The following MBD3 variants were observed in gnomAD, a reference collection of about 807,000 sequenced individuals.
MBD3 encodes methyl-CpG-binding domain protein 3.
MBD3 carries 13 observed loss-of-function variants against 31.2 expected under a neutral mutation model. The ratio of observed to expected loss-of-function variants is 0.42; its 90% CI spans 0.27 to 0.66. The LOEUF (loss-of-function observed/expected upper bound fraction) is 0.66. Ranked by LOEUF, MBD3 falls within the 30% of genes least tolerant of loss-of-function variation. The probability of loss-of-function intolerance (pLI) is 0.26; values close to 1 mark genes in which losing one functional copy is unlikely to be tolerated. For missense variants in MBD3, 440 were observed against 426.5 expected (o/e 1.03, Z -0.28); for synonymous variants, 223 against 187.4 (o/e 1.19, Z -1.55).
intron 5 of MBD3, 102 bp downstream of exon 5, chr19:1,580,990 A>G (rs1448937606): frequency 5.7e-6 from 8 of 1,412,900 alleles, no homozygotes; most frequent in Non-Finnish European, 7.9e-6. Context: ...CCCCAGCAGC[A>G]TCGTGGGGAG....
rs375145153 is a variant in MBD3, at chr19:1,575,411, T to TA, written c.*2752dup. The TA allele has an allele frequency of 0.07, 18,516 of 263,416 alleles. 57 individuals are homozygous for TA. Among genetic ancestry groups the TA allele is most frequent in the South Asian group, 0.11 (3,606 of 32,992 alleles). 16.3% of individuals were successfully genotyped at this position (263,416 alleles called of 1,614,324 possible). On this transcript the variant is annotated 3_prime_UTR_variant, in exon 7 of 7. Coordinates refer to ENST00000434436, the MANE Select transcript of MBD3 (RefSeq NM_001281453.2). ...GCGAAAGAAGAGCGAAACTCTTGTCTAAAAAAAAAAAAAGTCCCAGAAGGT... is the reference window on the plus strand; with the variant it reads ...GCGAAAGAAGAGCGAAACTCTTGTCTAAAAAAAAAAAAAAGTCCCAGAAGGT...
intron 4 of MBD3, chr19:1,581,681 G>A (rs918292662): frequency 6.1e-6 from 2 of 328,020 alleles, no homozygotes; most frequent in Non-Finnish European, 1.2e-5. Flanking sequence ...GGAGGTAGAG[G>A]CTGCTGTGAG....
In MBD3 at chr19:1,585,092, C is replaced by T; in HGVS notation, c.233G>A (p.Arg78His). 6.2e-7 allele frequency: 1 copy of T among 1,612,522 alleles called. No homozygotes were observed. The highest frequency in any genetic ancestry group is 8.5e-7 in the Non-Finnish European group (1 of 1,179,452). Residue 78 changes from arginine (R) to histidine (H), a missense_variant, in exon 2 of 7, where the codon CGC (arginine) becomes CAC (histidine). By Grantham distance (29) the Arg-to-His change is conservative (BLOSUM62 0). This residue lies in a region of MBD3 where 179 missense variants were observed against 134.7 expected (regional missense o/e 1.33). Transcript: ENST00000434436. This position sits in a 1 kb window ranked among gnomAD's most constrained non-coding sequence, Gnocchi z 4.1. ...KMLMSKMNKS[R>H]QRVRYDSSNQ... The stretch of plus-strand genomic sequence containing the variant: ...GGAGGAGTCGTAGCGCACGCGCTGG[C>T]GGCTCTTGTTCATCTTGCTCATCAG...
At chr19:1,584,948 C>G in intron 2 of MBD3, 107 bp downstream of exon 2, 1 of 1,476,980 alleles carries the variant, frequency 6.8e-7, no homozygotes, top group Non-Finnish European at 9.2e-7. Flanking sequence ...CCGCTGTGAC[C>G]TCCTGCGCTC....
At chr19:1,583,387 C>CAAAAGAAAA (rs2060662229) in intron 3 of MBD3, 1 of 66,456 alleles carries the variant, frequency 1.5e-5, no homozygotes, top group African/African-American at 5.7e-5. Flanking sequence ...GACTCTGTCA[C>CAAAAGAAAA]AAAAAAAAAA....
intron 1 of MBD3, among the ~76,000 whole-genome samples, chr19:1,586,706 G>A (rs1047657935): frequency 1.3e-4 from 18 of 138,022 alleles, no homozygotes; most frequent in African/African-American, 4.2e-4. Context: ...TCACTCTGTC[G>A]CCCAGGCTGG....
chr19:1,584,937 C>A, intron 2 of MBD3, 118 bp downstream of exon 2: 1 of 1,411,786 alleles, frequency 7.1e-7, no homozygotes, highest in South Asian at 1.2e-5. Flanking sequence ...GTGCCCTCCG[C>A]CCGCTGTGAC....
chr19:1,592,454 C>A (rs1219561798), intron 1 of MBD3, 68 bp downstream of exon 1: 6 of 793,708 alleles, frequency 7.6e-6, no homozygotes, highest in Admixed American at 3.4e-5. Flanking sequence ...GGCAGGGGCG[C>A]CGAGGCCGCC....
intron 1 of MBD3, chr19:1,586,275 C>T (rs4807122): frequency 0.54 from 82,397 of 152,134 alleles, 24,704 homozygotes; most frequent in East Asian, 0.83. Flanking sequence ...CCCATCCACA[C>T]GATGGGACAT....
In MBD3 at chr19:1,582,707, G is replaced by T; in HGVS notation, c.414C>A (p.Phe138Leu). Reference protein sequence around the residue: ...QKAVDQPRQLFWEKKLSGLNA... With the variant: ...QKAVDQPRQLLWEKKLSGLNA... ...TCAGGCCGCTCAGCTTCTTCTCCCA[G>T]AAGAGCTGCCCCAGACACATATGTG... The change falls in exon 4 of 7, where the codon TTC becomes TTA. Residue 138 changes from phenylalanine (F) to leucine (L), a missense_variant. Phe to Leu is a conservative substitution (Grantham distance 22, BLOSUM62 0). Around this residue, in one of 3 missense-constraint regions of MBD3, gnomAD observed 144 missense variants for 196.9 expected, o/e 0.73. Transcript: ENST00000434436. The T allele has an allele frequency of 3.1e-6, 5 of 1,613,372 alleles. No individual in the cohort carries two copies. Among genetic ancestry groups the T allele is most frequent in the Non-Finnish European group, 4.2e-6 (5 of 1,179,706 alleles).
At position 1,581,257 on chromosome 19, in the gene MBD3, C is replaced by T. The variant is rs1431248256; in HGVS notation, c.512G>A (p.Gly171Asp). The T allele has an allele frequency of 6.2e-7, 1 of 1,608,562 alleles. No homozygotes were observed. ...CGACAGCAGCGTCTCATCCGTGCAG[C>T]CAGGTCCCACCCCTGCCAGGCAGTG... Reference protein sequence around the residue: ...LPKGLQGVGPGCTDETLLSAI... With the variant: ...LPKGLQGVGPDCTDETLLSAI... Residue 171 changes from glycine (G) to aspartate (D), a missense_variant, in exon 5 of 7, where the codon GGC becomes GAC. Coordinates refer to ENST00000434436, the MANE Select transcript of MBD3 (RefSeq NM_001281453.2).
At chr19:1,582,359 A>T (rs571313089) in intron 4 of MBD3, among the ~76,000 whole-genome samples, 1 of 152,304 alleles carries the variant, frequency 6.6e-6, no homozygotes, top group East Asian at 1.9e-4. Flanking sequence ...AGGTGAAAAC[A>T]GCCCCAGGCC....
Position 1,585,565 on chromosome 19 carries a change from C to G in MBD3, c.111-351G>C. 1 of 325,018 alleles carries G rather than the reference C, an allele frequency of 3.1e-6. No individual in the cohort carries two copies. Among genetic ancestry groups the G allele is most frequent in the Non-Finnish European group, 5.9e-6 (1 of 170,194 alleles). The allele number at this position is 325,018 out of a possible 1,614,324, so 20.1% of individuals were successfully genotyped here. A position where few individuals can be genotyped will look rare whatever the true frequency, so the allele number is the denominator to read the frequency against. The stretch of plus-strand genomic sequence containing the variant: ...CCCCAACCCCGGTCCCCTCTGAATC[C>G]TCCCCACCGTAGGCCCTGGCAGCGT... On this transcript the variant is annotated intron_variant, in intron 1 of 6. Transcript: ENST00000434436. The surrounding 1 kb of genome is among the most constrained non-coding windows in gnomAD (Gnocchi z 4.1).
At chr19:1,592,491 G>A (rs756769330) in intron 1 of MBD3, 31 bp downstream of exon 1, 12 of 1,258,962 alleles carry the variant, frequency 9.5e-6, no homozygotes, top group Non-Finnish European at 1.2e-5. Context: ...GGAGCCCGTT[G>A]AGGCCCTGCG....
At position 1,592,580 on chromosome 19, in the gene MBD3, C is replaced by G; in HGVS notation, c.52G>C (p.Glu18Gln). ...CPALPQGWER[E>Q]EVPRRSGLSA... ...AGCCCCGACCTTCTGGGCACTTCTTCCCTCTCCCAGCCCTGCGGGAGCGCC... is the reference window on the plus strand; with the variant it reads ...AGCCCCGACCTTCTGGGCACTTCTTGCCTCTCCCAGCCCTGCGGGAGCGCC... The change falls in exon 1 of 7, where the codon GAA (glutamate) becomes CAA (glutamine). Residue 18 changes from glutamate to glutamine, a missense_variant. This residue lies in a region of MBD3 where 179 missense variants were observed against 134.7 expected (regional missense o/e 1.33). Transcript: ENST00000434436. The G allele has an allele frequency of 1.4e-6, 2 of 1,442,514 alleles. No homozygotes were observed. Among genetic ancestry groups the G allele is most frequent in the South Asian group, 2.4e-5 (2 of 84,958 alleles). The allele number at this position is 1,442,514 out of a possible 1,614,324, so 89.4% of individuals were successfully genotyped here. A position where few individuals can be genotyped will look rare whatever the true frequency, so the allele number is the denominator to read the frequency against.
rs1428542493 is a variant in MBD3, at chr19:1,573,919, T to C, written c.*4245A>G. ...CAGCAGGCTGAGGCTGGAGAATCTA[T>C]TGAACCCGGGAGGAGGAGGTTGCGG... On this transcript the variant is annotated 3_prime_UTR_variant, in exon 7 of 7. Transcript: ENST00000434436. 1.3e-5 allele frequency: 2 copies of C among 151,776 alleles called. No individual in the cohort carries two copies. The highest frequency in any genetic ancestry group is 4.8e-5 in the African/African-American group (2 of 41,268). 9.4% of individuals were successfully genotyped at this position (151,776 alleles called of 1,614,324 possible).
chr19:1,592,675 C>G lies in MBD3; in HGVS notation c.-44G>C, dbSNP rs2060711519. On this transcript the variant is annotated 5_prime_UTR_variant, in exon 1 of 7. Transcript: ENST00000434436. ...CCGCCGCCGGGCCCGCCGCCGCCGC[C>G]CGGACCCCCACTCGCCGCCGCCGCC... The G allele has an allele frequency of 1.2e-6, 1 of 826,860 alleles. No homozygotes were observed. Among genetic ancestry groups the G allele is most frequent in the East Asian group, 7.9e-5 (1 of 12,710 alleles). The allele number at this position is 826,860 out of a possible 1,614,324, so 51.2% of individuals were successfully genotyped here.
chr19:1,586,662 C>T (rs2060680591), intron 1 of MBD3, among the ~76,000 whole-genome samples: 1 of 118,230 alleles, frequency 8.5e-6, no homozygotes, highest in African/African-American at 3.3e-5. Flanking sequence ...GCACAAGCCA[C>T]CACGCCTAAT....
chr19:1,588,030 A>C (rs756654929), intron 1 of MBD3, among the ~76,000 whole-genome samples: 8 of 152,242 alleles, frequency 5.3e-5, no homozygotes, highest in Non-Finnish European at 2.9e-5. Context: ...CAGGCACTGC[A>C]CAGAAATGCT....
Sources: allele counts gnomAD v4.1 joint callset (sites outside exome capture counted in the v4.1 genomes callset), GRCh38; gene constraint gnomAD v4.1.1; regional missense constraint gnomAD v4.1.1; non-coding constraint Gnocchi (gnomAD v3.1); transcripts MANE v1.5; gene names NCBI Gene and HGNC (gene_info 2026-07-23, HGNC 2026-07-21).